The following RO60 variants were observed in gnomAD, a reference collection of about 807,000 sequenced individuals.
RO60 encodes RNA-binding protein RO60.
Under a neutral mutation model 55.3 loss-of-function variants are expected in RO60, and 20 were observed. The ratio of observed to expected loss-of-function variants is 0.36; its 90% CI spans 0.25 to 0.53. RO60 has a LOEUF of 0.53. Among genes scored for constraint, RO60 ranks in the 20% least tolerant of loss-of-function variants. The pLI, the probability that RO60 is intolerant of heterozygous loss-of-function variation, is 0.92. For synonymous variants in RO60, 213 were observed against 213.6 expected, an observed-to-expected ratio of 1.00 and a Z score of 0.02; for missense variants, 558 against 646.6, an observed-to-expected ratio of 0.86 and a Z score of 1.49.
intron 2 of RO60, among the ~76,000 whole-genome samples, chr1:193,072,693 T>C (rs1558241979): frequency 1.3e-5 from 2 of 152,226 alleles, no homozygotes; most frequent in Non-Finnish European, 2.9e-5. Context: ...TATTGGTTTG[T>C]TGAGATGTGT....
intron 8 of RO60, among the ~76,000 whole-genome samples, chr1:193,083,332 G>A (rs914080845): frequency 2.6e-5 from 4 of 152,008 alleles, no homozygotes; most frequent in Non-Finnish European, 5.9e-5. Context: ...GAAAGTATTA[G>A]TGAGTTTTGC....
chr1:193,078,260 A>G (rs906158111), intron 5 of RO60, among the ~76,000 whole-genome samples: 18 of 152,234 alleles, frequency 1.2e-4, no homozygotes, highest in African/African-American at 4.1e-4. Context: ...TCAACATGAT[A>G]AAGTCCAGAG....
chr1:193,072,893 T>G, intron 2 of RO60, among the ~76,000 whole-genome samples: 1 of 152,250 alleles, frequency 6.6e-6, no homozygotes. Context: ...TTGAAATTGT[T>G]GAGGGCAGAA....
In RO60 at chr1:193,069,116, A is replaced by T. The variant is rs756351503; in HGVS notation, c.62A>T (p.Asp21Val). ...GAGAAGCAGATAGCCAATTCTCAGG[A>T]TGGATATGTATGGCAAGTCACTGAC... Reference protein sequence around the residue: ...LNEKQIANSQDGYVWQVTDMN... With the variant: ...LNEKQIANSQVGYVWQVTDMN... Residue 21 changes from aspartate (D) to valine (V), a missense_variant, in exon 2 of 9, where the codon GAT (aspartate) becomes GTT (valine). Asp to Val is a radical substitution (Grantham distance 152, BLOSUM62 -3). Transcript: ENST00000400968. The T allele has an allele frequency of 1.2e-6, 2 of 1,614,064 alleles. No homozygotes were observed. Among genetic ancestry groups the T allele is most frequent in the Admixed American group, 1.7e-5 (1 of 60,004 alleles).
chr1:193,063,325 G>A (rs1672906502), intron 1 of RO60, among the ~76,000 whole-genome samples: 1 of 151,844 alleles, frequency 6.6e-6, no homozygotes, highest in Non-Finnish European at 1.5e-5. Context: ...AATCTTCTTT[G>A]GAAAAACACC....
Position 193,076,603 on chromosome 1 carries a change from T to C in RO60, c.904T>C (p.Ser302Pro), listed in dbSNP as rs200864095. Reference sequence around the variant, plus strand: ...ACTTGAACCAGGAAATTCAGAAGTATCTTTAGTATGTGAAAAACTGTGTAA... The same window carrying C: ...ACTTGAACCAGGAAATTCAGAAGTACCTTTAGTATGTGAAAAACTGTGTAA... ...SVLEPGNSEV[S>P]LVCEKLCNEK... Residue 302 changes from serine to proline, a missense_variant, in exon 4 of 9, where the codon TCT becomes CCT. By Grantham distance (74) the Ser-to-Pro change is moderately conservative (BLOSUM62 -1). Coordinates refer to ENST00000400968, the MANE Select transcript of RO60 (RefSeq NM_001173524.2). 2.8e-5 allele frequency: 45 copies of C among 1,609,666 alleles called. No homozygotes were observed. Among genetic ancestry groups the C allele is most frequent in the Non-Finnish European group, 3.8e-5 (45 of 1,178,402 alleles).
rs199985429 is a variant in RO60, at chr1:193,069,874, AAAATGCCACC to A, written c.580+241_580+250del. Among the ~76,000 whole-genome samples, 5 of 152,210 alleles carry A rather than the reference AAAATGCCACC, an allele frequency of 3.3e-5. No homozygotes were observed. The East Asian group carries it at 7.7e-4, about 23-fold the overall frequency. ...TTTATAGGTTAATATTCTGAATCTT[AAAATGCCACC>A]GTCCTAACTGGAATGCTCACCCAAG... On this transcript the variant is annotated intron_variant, in intron 2 of 8. Transcript: ENST00000400968.
intron 1 of RO60, among the ~76,000 whole-genome samples, chr1:193,062,973 A>G (rs576909237): frequency 2.6e-5 from 4 of 152,200 alleles, no homozygotes; most frequent in African/African-American, 9.6e-5. Flanking sequence ...TTTGACCGTT[A>G]TGAGTAATGT....
rs558819449 is a variant in RO60 at position 193,076,780 on chromosome 1, G to T, written c.948+133G>T. Reference sequence around the variant, plus strand: ...TACCAAATTGCATTATGGCTCTTAAGTGTAAGTTTAATACATTTTCATTTT... The same window carrying T: ...TACCAAATTGCATTATGGCTCTTAATTGTAAGTTTAATACATTTTCATTTT... On this transcript the variant is annotated intron_variant, in intron 4 of 8. Coordinates refer to ENST00000400968, the MANE Select transcript of RO60 (RefSeq NM_001173524.2). 3 of 1,327,192 alleles carry T rather than the reference G, an allele frequency of 2.3e-6. No individual in the cohort carries two copies. In the South Asian group the frequency reaches 4.4e-5, roughly 20 times the overall value. 82.2% of individuals were successfully genotyped at this position (1,327,192 alleles called of 1,614,324 possible). A position where few individuals can be genotyped will look rare whatever the true frequency, so the allele number is the denominator to read the frequency against.
chr1:193,075,775 A>G (rs754875226), intron 2 of RO60, 45 bp from the exon 3 acceptor site: 2 of 1,412,454 alleles, frequency 1.4e-6, no homozygotes. Context: ...CTGTTTTTTT[A>G]CTTGGTAATC....
rs1457195329 is a variant in RO60, at chr1:193,084,565, G to T, written c.1465-14G>T. 6.2e-7 allele frequency: 1 copy of T among 1,602,806 alleles called. No homozygotes were observed. Among genetic ancestry groups the T allele is most frequent in the East Asian group, 2.2e-5 (1 of 44,694 alleles). ...ATTTATGTTTTTAATATGTATTTTG[G>T]TCTTTTTCTACAGAAAATGGATATT... On this transcript the variant is annotated splice_polypyrimidine_tract_variant and intron_variant, in intron 8 of 8. Coordinates refer to ENST00000400968, the MANE Select transcript of RO60 (RefSeq NM_001173524.2).
chr1:193,082,539 T>C (rs753373831), intron 7 of RO60, 23 bp from the exon 8 acceptor site: 1 of 1,612,148 alleles, frequency 6.2e-7, no homozygotes, highest in African/African-American at 1.3e-5. Context: ...TACTTATTTA[T>C]TCATGCTTTT....
chr1:193,081,004 A>T lies in RO60; in HGVS notation c.1087-360A>T, dbSNP rs550024515. On this transcript the variant is annotated intron_variant, in intron 5 of 8. Coordinates refer to ENST00000400968, the MANE Select transcript of RO60 (RefSeq NM_001173524.2). ...CCAAATTGTACATCTAAAAATGGTT[A>T]AAAAGGTCAAATTTATGTTATATTT... Among the ~76,000 whole-genome samples, 9 of 152,284 alleles carry T rather than the reference A, an allele frequency of 5.9e-5. No homozygotes were observed. The East Asian group carries it at 1.5e-3, about 26-fold the overall frequency.
intron 7 of RO60, 33 bp from the exon 8 acceptor site, chr1:193,082,529 T>C: frequency 6.2e-7 from 1 of 1,608,388 alleles, no homozygotes; most frequent in South Asian, 1.1e-5. Context: ...AGGATTTATT[T>C]ACTTATTTAT....
chr1:193,091,412 A>C (rs2103093888), downstream of RO60: 1 of 377,850 alleles, frequency 2.6e-6, no homozygotes, highest in East Asian at 4.6e-5. Flanking sequence ...ATCTGATTTA[A>C]GTTTATTTCA....
intron 1 of RO60, among the ~76,000 whole-genome samples, chr1:193,067,868 A>G (rs1673223254): frequency 6.6e-6 from 1 of 152,200 alleles, no homozygotes; most frequent in East Asian, 1.9e-4. Context: ...TTATGACATA[A>G]TAGGAAGTGT....
At chr1:193,064,448 T>C (rs540424851) in intron 1 of RO60, among the ~76,000 whole-genome samples, 3 of 152,348 alleles carry the variant, frequency 2.0e-5, no homozygotes, top group African/African-American at 7.2e-5. Flanking sequence ...GACCAGGTAC[T>C]CTCTCTTATA....
rs1341241216 is a variant in RO60, at chr1:193,077,107, A to G, written c.1086+57A>G. The G allele has an allele frequency of 3.4e-6, 5 of 1,484,230 alleles. No individual in the cohort carries two copies. The Admixed American group carries it at 6.4e-5, about 19-fold the overall frequency. The allele number at this position is 1,484,230 out of a possible 1,614,324, so 91.9% of individuals were successfully genotyped here. ...GACTGAAGACTTAATATCTTTTGTA[A>G]TAATACATTTTAAAGGTAGTATTAA... is the stretch of plus-strand genomic sequence containing the variant. On this transcript the variant is annotated intron_variant, in intron 5 of 8. Transcript: ENST00000400968.
chr1:193,080,811 A>T (rs903712824), intron 5 of RO60, among the ~76,000 whole-genome samples: 5 of 152,204 alleles, frequency 3.3e-5, no homozygotes, highest in Admixed American at 2.6e-4. Flanking sequence ...CTACAGCAGG[A>T]AAATTTATAG....
Sources: allele counts gnomAD v4.1 joint callset (sites outside exome capture counted in the v4.1 genomes callset), GRCh38; gene constraint gnomAD v4.1.1; transcripts MANE v1.5; gene names NCBI Gene and HGNC (gene_info 2026-07-23, HGNC 2026-07-21).